The following CRLF2 variants were observed in gnomAD, a reference collection of about 807,000 sequenced individuals.
CRLF2 encodes the protein cytokine receptor like factor 2.
A neutral mutation model predicts 38.7 loss-of-function variants in CRLF2; 41 were observed. The ratio of observed to expected loss-of-function variants is 1.06; its 90% confidence interval spans 0.83 to 1.37. CRLF2 has a LOEUF of 1.37. Ranked by LOEUF, CRLF2 falls within the 40% of genes most tolerant of loss-of-function variation. CRLF2 has a pLI of 0.00. For missense variants in CRLF2, 377 were observed against 322.2 expected (o/e 1.17, Z -1.30); for synonymous variants, 140 against 128.8 (o/e 1.09, Z -0.59).
At chrX:1,191,350 T>A (rs1473656575) in intron 7 of CRLF2, among the ~76,000 whole-genome samples, 190 bp from the exon 8 acceptor site, 1 of 120,282 alleles carries the variant, frequency 8.3e-6, no homozygotes, top group Non-Finnish European at 1.8e-5. Context: ...TCTTTCCTTC[T>A]TTCTTTCTTT....
chrX:1,202,582 A>G, intron 3 of CRLF2, 47 bp from the exon 4 acceptor site: 1 of 1,612,450 alleles, frequency 6.2e-7, no homozygotes, highest in Non-Finnish European at 8.5e-7. Context: ...CTCTGAGCTG[A>G]TTGTGACAGG....
At position 1,197,544 on chromosome X, in the gene CRLF2, G is replaced by A. The variant is rs181501573; in HGVS notation, c.647-644C>T. Among the ~76,000 whole-genome samples the A allele has an allele frequency of 2.0e-3, 302 of 152,142 alleles. 2 individuals are homozygous for A. Among genetic ancestry groups the A allele is most frequent in the Admixed American group, 4.7e-3 (72 of 15,250 alleles). On this transcript the variant is annotated intron_variant, in intron 5 of 7. Coordinates refer to ENST00000400841, the MANE Select transcript of CRLF2 (RefSeq NM_022148.4). The stretch of plus-strand genomic sequence containing the variant: ...AAAACATACGTCAAAGGCCGGGCGC[G>A]GTGGCTCACGCCTTTAATCCCAGCA...
rs760783098 is a variant in CRLF2 at position 1,198,736 on chromosome X, T to TACACATACACAC, written c.484-13_484-12insGTGTGTATGTGT. The TACACATACACAC allele has an allele frequency of 1.7e-3, 1,425 of 827,712 alleles. 53 individuals are homozygous for TACACATACACAC. The highest frequency in any genetic ancestry group is 7.1e-3 in the South Asian group (423 of 59,884). The allele number at this position is 827,712 out of a possible 1,614,324, so 51.3% of individuals were successfully genotyped here. A position where few individuals can be genotyped will look rare whatever the true frequency, so the allele number is the denominator to read the frequency against. ...TTTTCCTGTTTGGACTGGAGAAACATACACACACACACACACACACACACA... is the reference window on the plus strand; with the variant it reads ...TTTTCCTGTTTGGACTGGAGAAACATACACATACACACACACACACACACACACACACACACA... On this transcript the variant is annotated splice_polypyrimidine_tract_variant and intron_variant, in intron 4 of 7. Coordinates refer to ENST00000400841, the MANE Select transcript of CRLF2 (RefSeq NM_022148.4).
intron 4 of CRLF2, 100 bp from the exon 5 acceptor site, chrX:1,198,824 C>T (rs1335536358): frequency 5.3e-5 from 64 of 1,205,038 alleles, no homozygotes; most frequent in Middle Eastern, 2.2e-4. Flanking sequence ...GTTTTCCTTC[C>T]GGAGGGTTCA....
At chrX:1,207,000 C>T (rs1233971748) in intron 2 of CRLF2, among the ~76,000 whole-genome samples, 1 of 143,408 alleles carries the variant, frequency 7.0e-6, no homozygotes, top group Non-Finnish European at 1.5e-5. Context: ...GGCTGGAGTG[C>T]AGTGGCACGA....
chrX:1,191,151 T>C lies in CRLF2; in HGVS notation c.862A>G (p.Thr288Ala), dbSNP rs2086366342. The change falls in exon 8 of 8, where the codon ACA (threonine) becomes GCA (alanine). Residue 288 changes from threonine (T) to alanine (A), a missense_variant. Transcript: ENST00000400841. ...AGGTGGGCCACGTTCTGGGTGTCTG[T>C]GATCCACTCCTACCAGGAAGAACAT... ...IHQGNFQEWITDTQNVAHLHK... is the reference protein window; with the variant it reads ...IHQGNFQEWIADTQNVAHLHK... 2.5e-6 allele frequency: 1 copy of C among 398,714 alleles called. No individual in the cohort carries two copies. Among genetic ancestry groups the C allele is most frequent in the East Asian group, 3.6e-5 (1 of 28,068 alleles). 24.7% of individuals were successfully genotyped at this position (398,714 alleles called of 1,614,324 possible). A position where few individuals can be genotyped will look rare whatever the true frequency, so the allele number is the denominator to read the frequency against.
At chrX:1,212,411 GA>G (rs1216703952) in intron 1 of CRLF2, 144 bp downstream of exon 1, 11 of 575,768 alleles carry the variant, frequency 1.9e-5, no homozygotes, top group Non-Finnish European at 3.2e-5. Flanking sequence ...AGAATTGCTT[GA>G]ACCCGGAAAA....
chrX:1,212,418 G>GA (rs369256719), intron 1 of CRLF2, 138 bp downstream of exon 1: 50,292 of 420,554 alleles, frequency 0.12, 286 homozygotes, highest in East Asian at 0.21. Context: ...CTTGAACCCG[G>GA]AAAAAAAAAA....
rs756873749 is a variant in CRLF2 at position 1,203,926 on chromosome X, T to A, written c.350-1391A>T. Reference sequence around the variant, plus strand: ...CCCCTACCTCTAAAAAATAAAAAAGTAAAAAAGAAACCCAGCCTTACAGAA... The same window carrying A: ...CCCCTACCTCTAAAAAATAAAAAAGAAAAAAAGAAACCCAGCCTTACAGAA... On this transcript the variant is annotated intron_variant, in intron 3 of 7. Coordinates refer to ENST00000400841, the MANE Select transcript of CRLF2 (RefSeq NM_022148.4). Among the ~76,000 whole-genome samples the A allele has an allele frequency of 4.2e-4, 64 of 151,780 alleles. 2 individuals are homozygous for A. In the East Asian group the frequency reaches 0.012, roughly 29 times the overall value.
At position 1,196,821 on chromosome X, in the gene CRLF2, C is replaced by T. The variant is rs779846628; in HGVS notation, c.726G>A (p.Leu242=). The T allele has an allele frequency of 3.1e-6, 5 of 1,613,596 alleles. No individual in the cohort carries two copies. In the South Asian group the frequency reaches 3.3e-5, roughly 11 times the overall value. The change falls in exon 6 of 8, where the codon CTG becomes CTA. Residue 242 remains leucine, a synonymous_variant. Coordinates refer to ENST00000400841, the MANE Select transcript of CRLF2 (RefSeq NM_022148.4). ...AAGACAGAAGGAGGAGAGACACCAT[C>T]AGAAGGATGGCCAGGCTGGAAATTA... is the stretch of plus-strand genomic sequence containing the variant. The part of the protein sequence containing the change: ...FILISSLAIL[L]MVSLLLLSLW...
chrX:1,192,347 G>C (rs2086399614), intron 7 of CRLF2, among the ~76,000 whole-genome samples: 1 of 151,898 alleles, frequency 6.6e-6, no homozygotes, highest in Non-Finnish European at 1.5e-5. Flanking sequence ...ACAAAAACCA[G>C]GCGCGGTGGC....
intron 6 of CRLF2, among the ~76,000 whole-genome samples, chrX:1,196,542 C>G (rs28727468): frequency 4.0e-5 from 6 of 151,444 alleles, no homozygotes; most frequent in Admixed American, 6.6e-5. Flanking sequence ...AGGCTGGTCT[C>G]GAACTCGTGA....
chrX:1,191,090 G>A lies in CRLF2; in HGVS notation c.923C>T (p.Pro308Leu). 1 of 398,564 alleles carries A rather than the reference G, an allele frequency of 2.5e-6. No homozygotes were observed. The highest frequency in any genetic ancestry group is 2.1e-5 in the African/African-American group (1 of 48,714). The allele number at this position is 398,564 out of a possible 1,614,324, so 24.7% of individuals were successfully genotyped here. The part of the protein sequence containing the change: ...KMAGAEQESG[P>L]EEPLVVQLAK... Reference sequence around the variant, plus strand: ...CAACTGGACTACCAGGGGCTCCTCGGGGCCACTTTCTTGCTCTGCACCTGC... The same window carrying A: ...CAACTGGACTACCAGGGGCTCCTCGAGGCCACTTTCTTGCTCTGCACCTGC... The change falls in exon 8 of 8, where the codon CCC becomes CTC. Residue 308 changes from proline to leucine, a missense_variant. Physicochemically the swap from Pro to Leu is moderately conservative, Grantham distance 98. Coordinates refer to ENST00000400841, the MANE Select transcript of CRLF2 (RefSeq NM_022148.4).
chrX:1,205,287 A>G (rs1273250264), intron 3 of CRLF2, among the ~76,000 whole-genome samples: 4 of 152,188 alleles, frequency 2.6e-5, no homozygotes, highest in Non-Finnish European at 4.4e-5. Flanking sequence ...CTAGTGGCCA[A>G]TGGTCCATGA....
chrX:1,206,139 TA>T (rs1411272624), intron 3 of CRLF2, among the ~76,000 whole-genome samples: 6 of 151,966 alleles, frequency 3.9e-5, no homozygotes, highest in Admixed American at 6.6e-5. Flanking sequence ...TCCGACGATT[TA>T]CGTGAGCTTT....
intron 4 of CRLF2, 50 bp from the exon 5 acceptor site, chrX:1,198,774 C>CACAT: frequency 7.4e-7 from 1 of 1,358,942 alleles, no homozygotes; most frequent in South Asian, 1.2e-5. Context: ...CACACACACA[C>CACAT]ACACACACAA....
intron 2 of CRLF2, among the ~76,000 whole-genome samples, chrX:1,207,981 C>A (rs1272928131): frequency 1.6e-4 from 24 of 152,254 alleles, no homozygotes; most frequent in Admixed American, 1.6e-3. Context: ...CCGTTTATCT[C>A]TTTTGTTATC....
At chrX:1,199,085 G>A in intron 4 of CRLF2, 2 of 395,812 alleles carry the variant, frequency 5.1e-6, no homozygotes, top group South Asian at 3.8e-5. Flanking sequence ...GGAGGCGAAG[G>A]TTGTAGCAAG....
In CRLF2 at chrX:1,206,491, G is replaced by T; in HGVS notation, c.291C>A (p.Phe97Leu). 6.2e-7 allele frequency: 1 copy of T among 1,613,620 alleles called. No individual in the cohort carries two copies. Among genetic ancestry groups the T allele is most frequent in the South Asian group, 1.1e-5 (1 of 91,066 alleles). ...CGGGGTGCGTCCCATTCCTGATGGA[G>T]AAATAGAGAATGTCGTCTCGCTGCT... ...DAEQRDDILY[F>L]SIRNGTHPVF... Residue 97 changes from phenylalanine to leucine, a missense_variant, in exon 3 of 8, where the codon TTC (phenylalanine) becomes TTA (leucine). Physicochemically the swap from Phe to Leu is conservative, Grantham distance 22. Transcript: ENST00000400841.
Sources: gnomAD v4.1 joint callset for allele counts (sites outside exome capture counted in the v4.1 genomes callset) on GRCh38, gnomAD v4.1.1 for gene constraint, MANE v1.5 for transcripts, NCBI Gene and HGNC (gene_info 2026-07-23, HGNC 2026-07-21) for gene names.